Variants in GSE1 observed in about 807,000 individuals in gnomAD.
The protein encoded by GSE1 is genetic suppressor element 1.
GSE1 carries 32 observed loss-of-function variants against 112.6 expected under a neutral mutation model. The observed-to-expected ratio is 0.28, with a 90% CI of 0.21 to 0.38. The LOEUF (loss-of-function observed/expected upper bound fraction) is 0.38, where lower values mean the gene tolerates loss of function less well. GSE1 is among the 10% of genes least tolerant of loss of function. GSE1 has a pLI of 1.00. For synonymous variants in GSE1, 1,115 were observed against 735.6 expected, an observed-to-expected ratio of 1.52 and a Z score of -8.35; for missense variants, 2,348 against 1,699.2, an observed-to-expected ratio of 1.38 and a Z score of -6.71.
intron 1 of GSE1, among the ~76,000 whole-genome samples, chr16:85,199,515 C>T (rs1327158930): frequency 6.6e-6 from 1 of 152,190 alleles, no homozygotes. Flanking sequence ...GAGTGTCCAG[C>T]TGCGTTTAAT....
intron 1 of GSE1, among the ~76,000 whole-genome samples, chr16:85,592,036 G>A (rs1345061807): frequency 1.3e-5 from 2 of 152,208 alleles, no homozygotes; most frequent in East Asian, 3.9e-4. Flanking sequence ...TAGCACCTGC[G>A]GCCAGGGGCA....
At chr16:85,219,516 G>C (rs1221419267) in intron 1 of GSE1, among the ~76,000 whole-genome samples, 1 of 152,050 alleles carries the variant, frequency 6.6e-6, no homozygotes, top group Non-Finnish European at 1.5e-5. Flanking sequence ...AGCTGTCTTG[G>C]ACCACCTTGC....
At chr16:85,256,741 C>G (rs1195043953) in intron 1 of GSE1, among the ~76,000 whole-genome samples, 1 of 152,268 alleles carries the variant, frequency 6.6e-6, no homozygotes, top group Non-Finnish European at 1.5e-5. Flanking sequence ...GGTCTCGTCC[C>G]TCACTCTTCT....
At chr16:85,205,983 C>CA (rs1439109793) in intron 1 of GSE1, among the ~76,000 whole-genome samples, 2 of 152,222 alleles carry the variant, frequency 1.3e-5, no homozygotes, top group Non-Finnish European at 2.9e-5. Context: ...GTGGGAGAGA[C>CA]AGATGTCGGT....
At chr16:85,415,210 G>C (rs1029953169) in intron 2 of GSE1, among the ~76,000 whole-genome samples, 1 of 152,190 alleles carries the variant, frequency 6.6e-6, no homozygotes, top group Non-Finnish European at 1.5e-5. Flanking sequence ...AGAGTACTTG[G>C]ATTACAGGTG....
intron 1 of GSE1, among the ~76,000 whole-genome samples, chr16:85,339,835 A>G (rs561996870): frequency 2.6e-3 from 392 of 152,282 alleles, no homozygotes; most frequent in Non-Finnish European, 4.5e-3. Flanking sequence ...GAGTGGATAT[A>G]CATCGTCTGT....
chr16:85,472,914 C>T (rs952161663), intron 2 of GSE1, among the ~76,000 whole-genome samples: 3 of 152,216 alleles, frequency 2.0e-5, no homozygotes, highest in South Asian at 2.1e-4. Flanking sequence ...TGCCATGGCT[C>T]CTCCAACTGA....
intron 2 of GSE1, among the ~76,000 whole-genome samples, chr16:85,648,144 G>A (rs560479785): frequency 1.1e-4 from 16 of 152,036 alleles, no homozygotes; most frequent in African/African-American, 7.2e-5. Context: ...CTAGAAACAC[G>A]TGTGTTCTCT....
At chr16:85,671,256 C>T (rs371910527) in intron 15 of GSE1, among the ~76,000 whole-genome samples, 158 bp downstream of exon 15, 8 of 151,744 alleles carry the variant, frequency 5.3e-5, no homozygotes, top group South Asian at 2.1e-4. Flanking sequence ...CCGGCTAAAA[C>T]GGTGAAACCC....
chr16:85,201,488 T>C (rs146329056), intron 1 of GSE1, among the ~76,000 whole-genome samples: 153 of 151,998 alleles, frequency 1.0e-3, no homozygotes, highest in African/African-American at 3.6e-3. Flanking sequence ...TGAAACGCCA[T>C]CTGTACCACA....
chr16:85,404,147 C>T (rs1175878247), intron 2 of GSE1, among the ~76,000 whole-genome samples: 1 of 108,404 alleles, frequency 9.2e-6, no homozygotes, highest in Non-Finnish European at 1.9e-5. Context: ...GGATAATCCA[C>T]ACCGTTACAC....
At chr16:85,658,958 C>T (rs928448783) in intron 8 of GSE1, among the ~76,000 whole-genome samples, 13 of 152,236 alleles carry the variant, frequency 8.5e-5, no homozygotes, top group East Asian at 7.7e-4. Flanking sequence ...CCCCTGTGGC[C>T]GGCTGCACAC....
chr16:85,663,150 C>A, intron 10 of GSE1, 57 bp downstream of exon 10: 1 of 1,315,724 alleles, frequency 7.6e-7, no homozygotes, highest in East Asian at 2.3e-5. Context: ...TTCCTAGCGT[C>A]CACACCCTGC....
chr16:85,418,356 A>T (rs2048750875), intron 2 of GSE1, among the ~76,000 whole-genome samples: 1 of 152,264 alleles, frequency 6.6e-6, no homozygotes, highest in African/African-American at 2.4e-5. Flanking sequence ...CGGCTCCCTC[A>T]GAAGCAGAGG....
intron 2 of GSE1, among the ~76,000 whole-genome samples, chr16:85,642,839 G>GCCCTC (rs908382176): frequency 6.6e-6 from 1 of 152,188 alleles, no homozygotes; most frequent in African/African-American, 2.4e-5. Flanking sequence ...CGGGTGCCCT[G>GCCCTC]CCCTCCCCTT....
At chr16:85,189,261 T>C (rs759716769) in intron 1 of GSE1, among the ~76,000 whole-genome samples, 34 of 152,266 alleles carry the variant, frequency 2.2e-4, no homozygotes, top group Non-Finnish European at 3.1e-4. Context: ...GATAATAACC[T>C]AGCACTTTAT....
chr16:85,182,537 G>A (rs1442129211), intron 1 of GSE1, among the ~76,000 whole-genome samples: 1 of 152,214 alleles, frequency 6.6e-6, no homozygotes, highest in Admixed American at 6.5e-5. Flanking sequence ...AGTGTTTGGG[G>A]TCAGTGCAGG....
At chr16:85,331,507 A>ATGTGTATATGTGTATGTG (rs1463838311) in intron 1 of GSE1, among the ~76,000 whole-genome samples, 1 of 119,582 alleles carries the variant, frequency 8.4e-6, no homozygotes, top group Non-Finnish European at 1.7e-5. Context: ...ATGTGTATAT[A>ATGTGTATATGTGTATGTG]TGTATATATG....
chr16:85,177,509 C>T (rs1332270346), intron 1 of GSE1, among the ~76,000 whole-genome samples: 3 of 152,220 alleles, frequency 2.0e-5, no homozygotes, highest in African/African-American at 7.2e-5. Context: ...AGCCCCTCCT[C>T]ACTGGGCGAC....
Sources: gnomAD v4.1 joint callset for allele counts (sites outside exome capture counted in the v4.1 genomes callset) on GRCh38, gnomAD v4.1.1 for gene constraint, MANE v1.5 for transcripts, NCBI Gene and HGNC (gene_info 2026-07-23, HGNC 2026-07-21) for gene names.